The following PLB1 variants were observed in gnomAD, a reference collection of about 807,000 sequenced individuals.
PLB1 encodes phospholipase B1, membrane-associated.
In PLB1, 242 loss-of-function variants were observed where a neutral mutation model predicts 227.4. The ratio of observed to expected loss-of-function variants is 1.06; its 90% CI spans 0.96 to 1.18. The LOEUF is 1.18. PLB1 is among the 50% of genes most tolerant of loss of function. The probability of loss-of-function intolerance (pLI) is 0.00; values close to 1 mark genes in which losing one functional copy is unlikely to be tolerated. For missense variants in PLB1, 1,858 were observed against 1,816.3 expected (o/e 1.02, Z -0.42); for synonymous variants, 757 against 682.2 (o/e 1.11, Z -1.71).
chr2:28,544,528 G>A (rs1220919026), intron 14 of PLB1, among the ~76,000 whole-genome samples: 1 of 152,184 alleles, frequency 6.6e-6, no homozygotes, highest in African/African-American at 2.4e-5. Flanking sequence ...GGTTCCAAGG[G>A]GGATACAAGA....
rs775641450 is a variant in PLB1 at position 28,539,096 on chromosome 2, T to A, written c.619-3T>A. ...TCACCTCCCTCTCTGTGTGTCCTCC[T>A]AGGTCCCCAGAGCATTTGTAAACCT... On this transcript the variant is annotated splice_polypyrimidine_tract_variant and splice_region_variant and intron_variant, in intron 10 of 57. Coordinates refer to ENST00000327757, the MANE Select transcript of PLB1 (RefSeq NM_153021.5). The A allele has an allele frequency of 6.2e-7, 1 of 1,611,420 alleles. No homozygotes were observed. The highest frequency in any genetic ancestry group is 1.1e-5 in the South Asian group (1 of 91,042).
chr2:28,543,322 C>T, intron 14 of PLB1, 54 bp downstream of exon 14: 1 of 1,565,490 alleles, frequency 6.4e-7, no homozygotes. Flanking sequence ...AGGTCTCCAC[C>T]ACCACTGAGC....
At chr2:28,567,169 T>C (rs1203189389) in intron 20 of PLB1, among the ~76,000 whole-genome samples, 1 of 152,006 alleles carries the variant, frequency 6.6e-6, no homozygotes, top group Admixed American at 6.6e-5. Context: ...GATTCAATAA[T>C]CTGGCATGAG....
intron 57 of PLB1, among the ~76,000 whole-genome samples, chr2:28,642,518 G>A (rs936885672): frequency 3.9e-5 from 6 of 152,188 alleles, no homozygotes; most frequent in Admixed American, 2.0e-4. Context: ...GGACAGTTGT[G>A]ACCACGAGGA....
Position 28,597,263 on chromosome 2 carries a change from C to CG in PLB1, c.2322-741dup, listed in dbSNP as rs1395766811. 4.8e-3 allele frequency among the ~76,000 whole-genome samples: 502 copies of CG among 103,630 alleles called. 2 individuals are homozygous for CG. The highest frequency in any genetic ancestry group is 7.5e-3 in the Non-Finnish European group (362 of 48,128). The allele number at this position is 103,630 out of a possible 152,430, so 68.0% of individuals were successfully genotyped here. A position where few individuals can be genotyped will look rare whatever the true frequency, so the allele number is the denominator to read the frequency against. ...TGGGCGACAGAGCAAGACTCCGTCT[C>CG]GAAAAAAAAAAAAAAAAAAATCCAT... is the stretch of plus-strand genomic sequence containing the variant. On this transcript the variant is annotated intron_variant, in intron 33 of 57. Coordinates refer to ENST00000327757, the MANE Select transcript of PLB1 (RefSeq NM_153021.5).
At chr2:28,636,649 G>A (rs978016010) in intron 56 of PLB1, among the ~76,000 whole-genome samples, 21 of 152,170 alleles carry the variant, frequency 1.4e-4, no homozygotes, top group African/African-American at 4.1e-4. Context: ...ATACAGGTCT[G>A]ACCGCATCTG....
intron 4 of PLB1, among the ~76,000 whole-genome samples, chr2:28,520,774 A>T (rs1572717486): frequency 6.6e-6 from 1 of 152,080 alleles, no homozygotes; most frequent in African/African-American, 2.4e-5. Flanking sequence ...GGAGTTTGGG[A>T]CCAGCCTGTC....
chr2:28,513,042 G>A (rs1668458666), intron 1 of PLB1, among the ~76,000 whole-genome samples: 1 of 152,102 alleles, frequency 6.6e-6, no homozygotes, highest in Admixed American at 6.6e-5. Flanking sequence ...AACATGAGCT[G>A]GAAAGATTAT....
In PLB1 at chr2:28,632,950, G is replaced by T; in HGVS notation, c.4009G>T (p.Asp1337Tyr). 1 of 1,605,522 alleles carries T rather than the reference G, an allele frequency of 6.2e-7. No homozygotes were observed. The highest frequency in any genetic ancestry group is 8.5e-7 in the Non-Finnish European group (1 of 1,179,756). ...NTLTPLNERG[D>Y]TDLTFFSEDC... ...TCCTTGCCGTTGGTTGCAGAGAGGG[G>T]ACACTGACCTCACCTTCTTCTCCGA... Residue 1337 changes from aspartate to tyrosine, a missense_variant, in exon 56 of 58, where the codon GAC (aspartate) becomes TAC (tyrosine). Physicochemically the swap from Asp to Tyr is radical, Grantham distance 160. Transcript: ENST00000327757.
chr2:28,533,911 C>T (rs1338681754), intron 9 of PLB1, among the ~76,000 whole-genome samples: 3 of 152,190 alleles, frequency 2.0e-5, no homozygotes, highest in Non-Finnish European at 4.4e-5. Flanking sequence ...GCAAGCAATA[C>T]ACAAATATTT....
At chr2:28,638,212 T>A (rs1430925710) in intron 56 of PLB1, among the ~76,000 whole-genome samples, 2 of 150,388 alleles carry the variant, frequency 1.3e-5, no homozygotes, top group African/African-American at 2.5e-5. Flanking sequence ...TCAAGCAGAG[T>A]GATGTGATAC....
Position 28,601,428 on chromosome 2 carries a change from A to G in PLB1, c.2607+96A>G, listed in dbSNP as rs1683868364. The stretch of plus-strand genomic sequence containing the variant: ...GAGAACAGTTCCTAAAACCAATCCT[A>G]GGATTATCCACCTACACCTATGTCT... On this transcript the variant is annotated intron_variant, in intron 37 of 57. Transcript: ENST00000327757. The G allele has an allele frequency of 6.4e-6, 6 of 936,098 alleles. No homozygotes were observed. The Admixed American group carries it at 9.9e-5, about 15-fold the overall frequency. The allele number at this position is 936,098 out of a possible 1,614,324, so 58.0% of individuals were successfully genotyped here.
intron 1 of PLB1, among the ~76,000 whole-genome samples, chr2:28,509,448 G>A (rs1009310876): frequency 6.6e-6 from 1 of 152,202 alleles, no homozygotes; most frequent in Non-Finnish European, 1.5e-5. Context: ...AGCAGGTGAT[G>A]GGCTGAGAGC....
At chr2:28,527,103 G>C (rs1243979211) in intron 6 of PLB1, among the ~76,000 whole-genome samples, 4 of 148,928 alleles carry the variant, frequency 2.7e-5, no homozygotes, top group Non-Finnish European at 5.9e-5. Context: ...GGCTTGTTTG[G>C]GGGGTGTCTG....
rs1317574432 is a variant in PLB1 at position 28,633,040 on chromosome 2, G to T, written c.4098+1G>T. On this transcript the variant is annotated splice_donor_variant, in intron 56 of 57. Transcript: ENST00000327757. LOFTEE classifies it high-confidence loss of function. Reference sequence around the variant, plus strand: ...GGCCATCGCACTCTGGAACAACATGGTGAGCAGCCAAGGGCCTGGTGGGCC... The same window carrying T: ...GGCCATCGCACTCTGGAACAACATGTTGAGCAGCCAAGGGCCTGGTGGGCC... 1 of 1,613,584 alleles carries T rather than the reference G, an allele frequency of 6.2e-7. No homozygotes were observed. The highest frequency in any genetic ancestry group is 1.7e-5 in the Admixed American group (1 of 60,024).
In PLB1 at chr2:28,554,489, CTTTTTTTTTTTTTT is replaced by C. The variant is rs536476788; in HGVS notation, c.1147+1514_1147+1527del. On this transcript the variant is annotated intron_variant, in intron 17 of 57. Transcript: ENST00000327757. The stretch of plus-strand genomic sequence containing the variant: ...CTACAGGCATTATCACCACACCTGC[CTTTTTTTTTTTTTT>C]TTTTTTTTTTTTTTTAAGAGATGGG... 1.6e-3 allele frequency among the ~76,000 whole-genome samples: 137 copies of C among 85,468 alleles called. 1 individual carries two copies. The highest frequency in any genetic ancestry group is 3.3e-3 in the East Asian group (7 of 2,152). 56.1% of individuals were successfully genotyped at this position (85,468 alleles called of 152,430 possible).
At chr2:28,582,232 GT>G (rs1680151915) in intron 24 of PLB1, 99 bp downstream of exon 24, 1 of 1,410,006 alleles carries the variant, frequency 7.1e-7, no homozygotes, top group Non-Finnish European at 1.0e-6. Flanking sequence ...GGTCACCTTT[GT>G]TGTGGATCCC....
At chr2:28,558,026 C>T (rs1012506447) in intron 17 of PLB1, among the ~76,000 whole-genome samples, 1 of 152,292 alleles carries the variant, frequency 6.6e-6, no homozygotes, top group South Asian at 2.1e-4. Flanking sequence ...TGGAGAACCA[C>T]CCCCACCATA....
chr2:28,578,108 G>T lies in PLB1; in HGVS notation c.1435G>T (p.Asp479Tyr), dbSNP rs1348310401. Reference sequence around the variant, plus strand: ...ACTTCCTCTGGTATGTTTCCACAGGGATCTACCTGTCCAGGCCAGGAGGCT... The same window carrying T: ...ACTTCCTCTGGTATGTTTCCACAGGTATCTACCTGTCCAGGCCAGGAGGCT... Reference protein sequence around the residue: ...NQAVAGGRAEDLPVQARRLVD... With the variant: ...NQAVAGGRAEYLPVQARRLVD... The change falls in exon 22 of 58, where the codon GAT becomes TAT. Residue 479 changes from aspartate to tyrosine, a missense_variant and splice_region_variant. Coordinates refer to ENST00000327757, the MANE Select transcript of PLB1 (RefSeq NM_153021.5). The T allele has an allele frequency of 1.5e-5, 24 of 1,614,116 alleles. No individual in the cohort carries two copies. Among genetic ancestry groups the T allele is most frequent in the Non-Finnish European group, 2.0e-5 (24 of 1,179,962 alleles).
Sources: allele counts gnomAD v4.1 joint callset (sites outside exome capture counted in the v4.1 genomes callset), GRCh38; gene constraint gnomAD v4.1.1; transcripts MANE v1.5; gene names NCBI Gene and HGNC (gene_info 2026-07-23, HGNC 2026-07-21).